The following IGSF9B variants were observed in gnomAD, a reference collection of about 807,000 sequenced individuals.
IGSF9B encodes the protein immunoglobulin superfamily member 9B.
In IGSF9B, 48 loss-of-function variants were observed where a neutral mutation model predicts 143.7. That is an observed-to-expected ratio of 0.33 (90% CI 0.26 to 0.42). IGSF9B has a LOEUF of 0.42. IGSF9B is among the 20% of genes least tolerant of loss of function. The pLI is 1.00. For missense variants in IGSF9B, 1,706 were observed against 1,980.0 expected (o/e 0.86, Z 2.63); for synonymous variants, 903 against 833.1 (o/e 1.08, Z -1.44).
chr11:133,955,477 C>G (rs1940234870), intron 1 of IGSF9B, among the ~76,000 whole-genome samples: 1 of 152,218 alleles, frequency 6.6e-6, no homozygotes, highest in African/African-American at 2.4e-5. Flanking sequence ...GAGGGGACCC[C>G]GTGAGAGGCG....
chr11:133,935,317 C>G (rs751914871), intron 7 of IGSF9B, among the ~76,000 whole-genome samples: 1 of 152,254 alleles, frequency 6.6e-6, no homozygotes, highest in African/African-American at 2.4e-5. Context: ...GCCTTCAGCC[C>G]GAGGACCACC....
chr11:133,920,062 ACGGGCGGCGAGCTCAGGGGAG>A lies in IGSF9B; in HGVS notation c.3642_3662del (p.Ser1215_Arg1221del). ...GCAGGAGGCCCGGGCGAGGCCGGGC[ACGGGCGGCGAGCTCAGGGGAG>A]CCGGTGCGGGAGCTGAGGGGGCTTT... On this transcript the variant is annotated inframe_deletion, in exon 18 of 20. Transcript: ENST00000533871. 6.5e-7 allele frequency: 1 copy of A among 1,544,010 alleles called. No individual in the cohort carries two copies. The highest frequency in any genetic ancestry group is 8.7e-7 in the Non-Finnish European group (1 of 1,147,000).
rs1367005555 is a variant in IGSF9B, at chr11:133,898,028, A to C, written c.*11041T>G. On this transcript the variant is annotated 3_prime_UTR_variant, in exon 20 of 20. Coordinates refer to ENST00000533871, the MANE Select transcript of IGSF9B (RefSeq NM_001277285.4). ...AGAAGACAAAATACAGCAAGATATC[A>C]GGAGCCAGTGGGAGGAAGGAGATTC... 1 of 152,226 alleles carries C rather than the reference A, an allele frequency of 6.6e-6. No homozygotes were observed. Among genetic ancestry groups the C allele is most frequent in the Non-Finnish European group, 1.5e-5 (1 of 68,032 alleles). The allele number at this position is 152,226 out of a possible 1,614,324, so 9.4% of individuals were successfully genotyped here.
At chr11:133,915,100 A>G (rs761214332) in intron 18 of IGSF9B, among the ~76,000 whole-genome samples, 13 of 152,116 alleles carry the variant, frequency 8.5e-5, no homozygotes, top group Non-Finnish European at 1.3e-4. Flanking sequence ...CTTCCCAACC[A>G]GCCTACACTG....
chr11:133,955,571 G>T (rs1940236354), intron 1 of IGSF9B, among the ~76,000 whole-genome samples: 1 of 152,156 alleles, frequency 6.6e-6, no homozygotes, highest in Admixed American at 6.5e-5. Flanking sequence ...CCCACAGCGG[G>T]TTCTCTCCCG....
rs1165670203 is a variant in IGSF9B, at chr11:133,899,216, A to G, written c.*9853T>C. On this transcript the variant is annotated 3_prime_UTR_variant, in exon 20 of 20. Coordinates refer to ENST00000533871, the MANE Select transcript of IGSF9B (RefSeq NM_001277285.4). ...ATGGGGAAGAGCTCAGGCTCCTGGCAGTGGCTGTGGGCCGTAAAAGCTCCA... is the reference window on the plus strand; with the variant it reads ...ATGGGGAAGAGCTCAGGCTCCTGGCGGTGGCTGTGGGCCGTAAAAGCTCCA... The G allele has an allele frequency of 1.3e-5, 2 of 152,416 alleles. No individual in the cohort carries two copies. The highest frequency in any genetic ancestry group is 4.1e-4 in the South Asian group (2 of 4,830). The allele number at this position is 152,416 out of a possible 1,614,324, so 9.4% of individuals were successfully genotyped here.
chr11:133,912,736 T>C (rs1939321067), intron 18 of IGSF9B, among the ~76,000 whole-genome samples: 1 of 152,246 alleles, frequency 6.6e-6, no homozygotes, highest in Admixed American at 6.5e-5. Flanking sequence ...GAGCCCTTGC[T>C]GTCTGTAACA....
intron 1 of IGSF9B, among the ~76,000 whole-genome samples, chr11:133,954,514 G>A (rs1940216407): frequency 6.6e-6 from 1 of 152,138 alleles, no homozygotes. Flanking sequence ...GAATCCCAGG[G>A]ACACTGAGAA....
chr11:133,922,541 A>T, intron 16 of IGSF9B, 28 bp downstream of exon 16: 2 of 1,596,932 alleles, frequency 1.3e-6, no homozygotes, highest in Non-Finnish European at 1.7e-6. Context: ...CGGGCCAGGG[A>T]GAGCAAGGGA....
At chr11:133,938,100 A>G (rs1020850044) in intron 3 of IGSF9B, 139 bp from the exon 4 acceptor site, 39 of 958,440 alleles carry the variant, frequency 4.1e-5, no homozygotes, top group Non-Finnish European at 5.7e-5. Flanking sequence ...GGGATGGGAA[A>G]AACTTTCTGC....
chr11:133,937,282 A>G, intron 5 of IGSF9B, 94 bp downstream of exon 5: 1 of 878,902 alleles, frequency 1.1e-6, no homozygotes, highest in Admixed American at 2.2e-5. Flanking sequence ...CACTAGCCCC[A>G]GCTGAGCCCT....
At chr11:133,917,268 G>A (rs537822832) in intron 18 of IGSF9B, among the ~76,000 whole-genome samples, 1 of 152,282 alleles carries the variant, frequency 6.6e-6, no homozygotes, top group South Asian at 2.1e-4. Context: ...GAGAGGGAGC[G>A]AGCTTCGGGT....
rs1224793069 is a variant in IGSF9B at position 133,948,095 on chromosome 11, G to GTC, written c.65-1838_65-1837insGA. 3.3e-5 allele frequency among the ~76,000 whole-genome samples: 5 copies of GTC among 150,346 alleles called. No individual in the cohort carries two copies. The highest frequency in any genetic ancestry group is 1.2e-4 in the African/African-American group (5 of 40,644). On this transcript the variant is annotated intron_variant, in intron 1 of 19. Coordinates refer to ENST00000533871, the MANE Select transcript of IGSF9B (RefSeq NM_001277285.4). This position sits in a 1 kb window ranked among gnomAD's most constrained non-coding sequence, Gnocchi z 4.7. ...TGTGTGTGTGTGTGTGTGTGTCTGTGTGTGTTTCGGTTGGCTCATGCAAGG... is the reference window on the plus strand; with the variant it reads ...TGTGTGTGTGTGTGTGTGTGTCTGTGTCTGTGTTTCGGTTGGCTCATGCAAGG...
intron 14 of IGSF9B, among the ~76,000 whole-genome samples, chr11:133,925,480 C>T (rs1367712912): frequency 2.0e-5 from 3 of 152,224 alleles, no homozygotes; most frequent in Admixed American, 1.3e-4. Context: ...CTGCCCTGCC[C>T]AGCTTGTAGC....
chr11:133,929,946 T>TC (rs1034109915), intron 11 of IGSF9B, among the ~76,000 whole-genome samples, 164 bp from the exon 12 acceptor site: 2 of 152,148 alleles, frequency 1.3e-5, no homozygotes, highest in African/African-American at 4.8e-5. Flanking sequence ...AGGCGCCGAC[T>TC]CCCCTGACCC....
chr11:133,911,142 A>G (rs923775451), intron 19 of IGSF9B, among the ~76,000 whole-genome samples: 4 of 152,270 alleles, frequency 2.6e-5, no homozygotes, highest in Non-Finnish European at 5.9e-5. Context: ...CTTCCTTGAC[A>G]GACTGCCACA....
rs1212180166 is a variant in IGSF9B at position 133,902,104 on chromosome 11, G to T, written c.*6965C>A. On this transcript the variant is annotated 3_prime_UTR_variant, in exon 20 of 20. Coordinates refer to ENST00000533871, the MANE Select transcript of IGSF9B (RefSeq NM_001277285.4). ...CCACATACAATACACAAAACACATAGCACACACACACACCACACACAGTCC... is the reference window on the plus strand; with the variant it reads ...CCACATACAATACACAAAACACATATCACACACACACACCACACACAGTCC... Among the ~76,000 whole-genome samples, 1 of 119,646 alleles carries T rather than the reference G, an allele frequency of 8.4e-6. No individual in the cohort carries two copies. Among genetic ancestry groups the T allele is most frequent in the Non-Finnish European group, 1.7e-5 (1 of 58,126 alleles). The allele number at this position is 119,646 out of a possible 152,430, so 78.5% of individuals were successfully genotyped here. A position where few individuals can be genotyped will look rare whatever the true frequency, so the allele number is the denominator to read the frequency against.
chr11:133,902,304 ACAC>A lies in IGSF9B; in HGVS notation c.*6762_*6764del, dbSNP rs1939146833. ...CACCAGACACATCACACATACACGCACACCACAGATACACACACACCATACCAC... is the reference window on the plus strand; with the variant it reads ...CACCAGACACATCACACATACACGCACACAGATACACACACACCATACCAC... On this transcript the variant is annotated 3_prime_UTR_variant, in exon 20 of 20. Transcript: ENST00000533871. 6.7e-6 allele frequency among the ~76,000 whole-genome samples: 1 copy of A among 148,458 alleles called. No individual in the cohort carries two copies. Among genetic ancestry groups the A allele is most frequent in the Non-Finnish European group, 1.5e-5 (1 of 66,946 alleles).
intron 1 of IGSF9B, among the ~76,000 whole-genome samples, chr11:133,949,002 C>T (rs945669230): frequency 6.6e-6 from 1 of 152,102 alleles, no homozygotes; most frequent in Non-Finnish European, 1.5e-5. Context: ...GCAGGCTCTT[C>T]AAATCTTCCC....
Sources: gnomAD v4.1 joint callset for allele counts (sites outside exome capture counted in the v4.1 genomes callset) on GRCh38, gnomAD v4.1.1 for gene constraint, Gnocchi (gnomAD v3.1) non-coding constraint, MANE v1.5 for transcripts, NCBI Gene and HGNC (gene_info 2026-07-23, HGNC 2026-07-21) for gene names.